Variants in DMD observed in about 807,000 individuals in gnomAD.
DMD encodes dystrophin.
A neutral mutation model predicts 330.1 loss-of-function variants in DMD; 63 were observed. The ratio of observed to expected loss-of-function variants is 0.19; its 90% CI spans 0.16 to 0.24. DMD has a LOEUF of 0.24. DMD is among the 10% of genes least tolerant of loss of function. DMD has a pLI of 1.00. For missense variants in DMD, 3,344 were observed against 2,684.1 expected (o/e 1.25, Z -5.43); for synonymous variants, 1,223 against 959.8 (o/e 1.27, Z -5.07).
At chrX:33,215,296 G>T (rs2052033535), upstream of DMD, among the ~76,000 whole-genome samples, 1 of 97,578 alleles carries the variant, frequency 1.0e-5, no homozygotes, top group Non-Finnish European at 2.0e-5. Context: ...CTGCACTTCA[G>T]CCTGGACTAA....
chrX:31,197,039 AAC>A (rs756608834), intron 67 of DMD, among the ~76,000 whole-genome samples: 299 of 110,831 alleles, frequency 2.7e-3, no homozygotes, highest in African/African-American at 9.3e-3. Context: ...TTCATGCCAC[AAC>A]ACACTTTAGA....
chrX:32,461,811 T>A (rs1010501288), intron 25 of DMD, among the ~76,000 whole-genome samples: 3 of 106,683 alleles, frequency 2.8e-5, no homozygotes, highest in African/African-American at 6.8e-5. Context: ...TAAGTAATAT[T>A]TTTTTTTTTT....
chrX:32,624,780 CGA>C (rs2058237653), intron 11 of DMD, among the ~76,000 whole-genome samples: 1 of 111,737 alleles, frequency 8.9e-6, no homozygotes, highest in South Asian at 3.7e-4. Context: ...TGATTTTACT[CGA>C]GAGCTGTCAT....
At chrX:31,864,728 C>A (rs917458779) in intron 48 of DMD, among the ~76,000 whole-genome samples, 2 of 110,919 alleles carry the variant, frequency 1.8e-5, no homozygotes, top group African/African-American at 6.6e-5. Flanking sequence ...CAAGCTCAGG[C>A]AATCCACCTG....
intron 44 of DMD, among the ~76,000 whole-genome samples, chrX:32,019,613 CAT>C (rs3991698): frequency 0.032 from 3,619 of 111,720 alleles, 64 homozygotes; most frequent in Non-Finnish European, 0.052. Flanking sequence ...CTTTCTTACA[CAT>C]GTTTCAAAGC....
chrX:32,399,757 G>A (rs1023162305), intron 30 of DMD, among the ~76,000 whole-genome samples: 2 of 111,502 alleles, frequency 1.8e-5, no homozygotes, highest in Non-Finnish European at 3.8e-5. Context: ...AAGAAAATCA[G>A]TACACTGAAG....
intron 12 of DMD, among the ~76,000 whole-genome samples, chrX:32,597,460 G>C (rs778510065): frequency 9.0e-6 from 1 of 111,456 alleles, no homozygotes; most frequent in African/African-American, 3.3e-5. Flanking sequence ...GTTCCTTCCT[G>C]ATTGCACAAA....
At chrX:31,142,556 T>C (rs1387406515) in intron 76 of DMD, among the ~76,000 whole-genome samples, 1 of 112,419 alleles carries the variant, frequency 8.9e-6, no homozygotes, top group African/African-American at 3.2e-5. Flanking sequence ...TTGTTCTAAA[T>C]AAAAAGCTAG....
At chrX:31,762,525 C>T (rs766717369) in intron 51 of DMD, among the ~76,000 whole-genome samples, 88 of 111,447 alleles carry the variant, frequency 7.9e-4, no homozygotes, top group African/African-American at 2.6e-3. Flanking sequence ...GTCGAGATCG[C>T]GCCACTGCAC....
intron 55 of DMD, among the ~76,000 whole-genome samples, chrX:31,583,765 T>A (rs939285008): frequency 1.4e-4 from 15 of 108,918 alleles, no homozygotes; most frequent in Non-Finnish European, 2.9e-4. Flanking sequence ...ATATATATAT[T>A]TTATTATTAT....
intron 9 of DMD, among the ~76,000 whole-genome samples, chrX:32,661,851 A>C (rs897484716): frequency 8.9e-6 from 1 of 111,758 alleles, no homozygotes; most frequent in South Asian, 3.6e-4. Context: ...TCACATTTTA[A>C]ATTTTAAATC....
intron 9 of DMD, among the ~76,000 whole-genome samples, chrX:32,664,741 A>T (rs1034145595): frequency 1.8e-5 from 2 of 112,056 alleles, no homozygotes; most frequent in Non-Finnish European, 3.8e-5. Context: ...AGGAATGTAT[A>T]AAAAGTTGTG....
rs926638780 is a variant in DMD, at chrX:31,627,547, G to A, written c.8217+126C>T. 3.0e-5 allele frequency: 21 copies of A among 688,852 alleles called. No individual in the cohort carries two copies. In the South Asian group the frequency reaches 4.3e-4, roughly 14 times the overall value. The allele number at this position is 688,852 out of a possible 1,213,427, so 56.8% of individuals were successfully genotyped here. A position where few individuals can be genotyped will look rare whatever the true frequency, so the allele number is the denominator to read the frequency against. On this transcript the variant is annotated intron_variant, in intron 55 of 78. Transcript: ENST00000357033. ...CCTCTCTCCTCCTTGTCCAAATACC[G>A]AAATACATCAGGCTGTATAAAAGCA...
Position 32,389,563 on chromosome X carries a change from G to A in DMD, c.4456C>T (p.Pro1486Ser), listed in dbSNP as rs762125605. 16 of 1,210,362 alleles carry A rather than the reference G, an allele frequency of 1.3e-5. No homozygotes were observed. In the Admixed American group the frequency reaches 3.3e-4, roughly 25 times the overall value. ...MILDEVKMHLPALETKSVEQE... is the reference protein window; with the variant it reads ...MILDEVKMHLSALETKSVEQE... ...TCCACACTCTTTGTTTCCAATGCAGGCAAGTGCATCTTCACTTCATCTAAA... is the reference window on the plus strand; with the variant it reads ...TCCACACTCTTTGTTTCCAATGCAGACAAGTGCATCTTCACTTCATCTAAA... Residue 1486 changes from proline (P) to serine (S), a missense_variant, in exon 32 of 79, where the codon CCT (proline) becomes TCT (serine). Transcript: ENST00000357033.
At chrX:31,922,525 T>TGTGTGTGTGTGC (rs773093542) in intron 47 of DMD, among the ~76,000 whole-genome samples, 1,315 of 106,343 alleles carry the variant, frequency 0.012, 10 homozygotes, top group Non-Finnish European at 0.019. Flanking sequence ...TGTGTGTGTG[T>TGTGTGTGTGTGC]GCGCGCGCGT....
chrX:31,454,298 T>C (rs2065992301), intron 59 of DMD, among the ~76,000 whole-genome samples: 1 of 111,227 alleles, frequency 9.0e-6, no homozygotes, highest in South Asian at 3.8e-4. Context: ...ACCACCACCA[T>C]GCCTGGCTAA....
chrX:32,220,320 A>G (rs2097128003), intron 43 of DMD, among the ~76,000 whole-genome samples: 1 of 112,107 alleles, frequency 8.9e-6, no homozygotes, highest in African/African-American at 3.2e-5. Context: ...AGTATTTATT[A>G]CAGCATGCAA....
chrX:31,234,448 C>T (rs2047524335), intron 63 of DMD, among the ~76,000 whole-genome samples: 1 of 112,499 alleles, frequency 8.9e-6, no homozygotes, highest in African/African-American at 3.2e-5. Context: ...AATACACTTA[C>T]TGTTGCAGTA....
intron 1 of DMD, among the ~76,000 whole-genome samples, chrX:33,133,674 C>T (rs2095511242): frequency 8.9e-6 from 1 of 111,834 alleles, no homozygotes; most frequent in African/African-American, 3.2e-5. Flanking sequence ...ATGATTTTGG[C>T]TTCTCTCCTA....
Sources: allele counts gnomAD v4.1 joint callset (sites outside exome capture counted in the v4.1 genomes callset), GRCh38; gene constraint gnomAD v4.1.1; transcripts MANE v1.5; gene names NCBI Gene and HGNC (gene_info 2026-07-23, HGNC 2026-07-21).